SPOCK3: variants seen among roughly 807,000 people sequenced by gnomAD.
SPOCK3 encodes the protein SPARC (osteonectin), cwcv and kazal like domains proteoglycan 3.
Under a neutral mutation model 56.6 loss-of-function variants are expected in SPOCK3, and 30 were observed. That is an observed-to-expected ratio of 0.53 (90% CI 0.40 to 0.72). The LOEUF (loss-of-function observed/expected upper bound fraction) is 0.72. Among genes scored for constraint, SPOCK3 ranks in the 30% least tolerant of loss-of-function variants. The pLI, the probability that SPOCK3 is intolerant of heterozygous loss-of-function variation, is 0.00. For synonymous variants in SPOCK3, 196 were observed against 183.3 expected (o/e 1.07, Z -0.56); for missense variants, 527 against 530.0 (o/e 0.99, Z 0.06).
chr4:167,021,589 C>T (rs1424607191), intron 3 of SPOCK3, among the ~76,000 whole-genome samples: 2 of 151,938 alleles, frequency 1.3e-5, no homozygotes, highest in Non-Finnish European at 1.5e-5. Flanking sequence ...ACATCCCTAC[C>T]CCTCTCTCCG....
intron 4 of SPOCK3, among the ~76,000 whole-genome samples, chr4:166,982,950 T>G (rs1746748825): frequency 6.6e-6 from 1 of 152,192 alleles, no homozygotes; most frequent in Non-Finnish European, 1.5e-5. Context: ...CCCTAAGTTC[T>G]TTCCTGAGGT....
intron 4 of SPOCK3, among the ~76,000 whole-genome samples, chr4:166,952,216 A>T (rs1232750531): frequency 6.6e-6 from 1 of 152,198 alleles, no homozygotes; most frequent in Non-Finnish European, 1.5e-5. Context: ...CCTTAAGCTG[A>T]TAAGCAACTT....
chr4:166,950,490 A>C (rs1284005045), intron 4 of SPOCK3, among the ~76,000 whole-genome samples: 1 of 151,808 alleles, frequency 6.6e-6, no homozygotes, highest in East Asian at 1.9e-4. Context: ...ATAATGGGAG[A>C]CTTTAACACC....
At chr4:166,927,683 T>C (rs948091168) in intron 4 of SPOCK3, among the ~76,000 whole-genome samples, 2 of 152,144 alleles carry the variant, frequency 1.3e-5, no homozygotes, top group Admixed American at 6.5e-5. Context: ...TTTTTTTAGA[T>C]ACAACGCAAG....
upstream of SPOCK3, chr4:167,234,585 C>G: frequency 4.6e-6 from 1 of 216,222 alleles, no homozygotes; most frequent in South Asian, 1.4e-4. Context: ...CCGGCGCGCT[C>G]CCCCCATCTC....
chr4:167,077,444 G>C (rs939272685), intron 2 of SPOCK3, among the ~76,000 whole-genome samples: 1 of 151,792 alleles, frequency 6.6e-6, no homozygotes, highest in Non-Finnish European at 1.5e-5. Context: ...TTGCATCTTA[G>C]CTCAAACTAC....
intron 3 of SPOCK3, among the ~76,000 whole-genome samples, chr4:167,033,401 T>C (rs1265962339): frequency 2.0e-5 from 3 of 149,346 alleles, no homozygotes; most frequent in Admixed American, 1.3e-4. Flanking sequence ...TCATTATTAT[T>C]ATTATTATTA....
chr4:166,808,197 T>C (rs1743380677), intron 6 of SPOCK3, among the ~76,000 whole-genome samples: 1 of 152,084 alleles, frequency 6.6e-6, no homozygotes, highest in Admixed American at 6.6e-5. Flanking sequence ...GTTTGTGTGA[T>C]TGTTTGTTTG....
intron 2 of SPOCK3, among the ~76,000 whole-genome samples, chr4:167,077,188 G>A (rs911380172): frequency 6.6e-6 from 1 of 151,666 alleles, no homozygotes; most frequent in Non-Finnish European, 1.5e-5. Context: ...TTTATTTTAT[G>A]ATTTGAAAAT....
chr4:166,824,714 A>G (rs1745282941), intron 6 of SPOCK3, among the ~76,000 whole-genome samples: 1 of 152,118 alleles, frequency 6.6e-6, no homozygotes, highest in South Asian at 2.1e-4. Flanking sequence ...AGATACAAGA[A>G]TAGAAAAATA....
In SPOCK3 at chr4:166,748,626, A is replaced by G. The variant is rs951679614; in HGVS notation, c.931+5882T>C. ...AAAAGCAATGGCAACAAAAGCCAAAATAGACAAATGGGATCTAATTAAACT... is the reference window on the plus strand; with the variant it reads ...AAAAGCAATGGCAACAAAAGCCAAAGTAGACAAATGGGATCTAATTAAACT... On this transcript the variant is annotated intron_variant, in intron 8 of 10. Coordinates refer to ENST00000357545, the MANE Select transcript of SPOCK3 (RefSeq NM_001040159.2). Among the ~76,000 whole-genome samples the G allele has an allele frequency of 5.1e-5, 7 of 137,316 alleles. 1 individual carries two copies. The highest frequency in any genetic ancestry group is 1.1e-4 in the Non-Finnish European group (7 of 64,760). The allele number at this position is 137,316 out of a possible 152,430, so 90.1% of individuals were successfully genotyped here. A position where few individuals can be genotyped will look rare whatever the true frequency, so the allele number is the denominator to read the frequency against.
intron 6 of SPOCK3, among the ~76,000 whole-genome samples, chr4:166,835,173 C>A (rs906676041): frequency 3.9e-5 from 6 of 152,038 alleles, no homozygotes; most frequent in African/African-American, 1.4e-4. Context: ...GGTTTCTGAA[C>A]TAATTGGCTA....
At chr4:166,856,914 T>C (rs1050998026) in intron 6 of SPOCK3, among the ~76,000 whole-genome samples, 1 of 152,106 alleles carries the variant, frequency 6.6e-6, no homozygotes, top group African/African-American at 2.4e-5. Flanking sequence ...ATTGACTGAA[T>C]TGAAATCATA....
At chr4:166,924,173 TC>T (rs1400207892) in intron 4 of SPOCK3, among the ~76,000 whole-genome samples, 3 of 152,286 alleles carry the variant, frequency 2.0e-5, no homozygotes, top group African/African-American at 4.8e-5. Flanking sequence ...TGTCTTTTTT[TC>T]CTCAATGTTA....
intron 4 of SPOCK3, among the ~76,000 whole-genome samples, chr4:166,934,028 G>C (rs1740089426): frequency 6.6e-6 from 1 of 152,214 alleles, no homozygotes; most frequent in Non-Finnish European, 1.5e-5. Flanking sequence ...AGGCAGATTT[G>C]TTAGATTACA....
intron 7 of SPOCK3, among the ~76,000 whole-genome samples, chr4:166,769,455 C>T (rs1001814428): frequency 5.3e-5 from 8 of 152,182 alleles, no homozygotes; most frequent in African/African-American, 1.9e-4. Context: ...AGGTCCACTC[C>T]AGACCCTGTT....
At chr4:167,196,462 T>G (rs1038996151) in intron 2 of SPOCK3, among the ~76,000 whole-genome samples, 3 of 152,178 alleles carry the variant, frequency 2.0e-5, no homozygotes, top group African/African-American at 4.8e-5. Context: ...AAATCAGGGT[T>G]TCAAATGGCT....
intron 2 of SPOCK3, among the ~76,000 whole-genome samples, chr4:167,160,897 G>C (rs1437267927): frequency 6.6e-6 from 1 of 152,068 alleles, no homozygotes; most frequent in African/African-American, 2.4e-5. Flanking sequence ...ATTCGAGATG[G>C]ATTGATTAAA....
intron 3 of SPOCK3, among the ~76,000 whole-genome samples, chr4:167,038,349 A>C (rs1752944979): frequency 6.6e-6 from 1 of 152,232 alleles, no homozygotes; most frequent in Non-Finnish European, 1.5e-5. Context: ...CACTTCAGAC[A>C]TGGCATACTT....
Sources: allele counts gnomAD v4.1 joint callset (sites outside exome capture counted in the v4.1 genomes callset), GRCh38; gene constraint gnomAD v4.1.1; transcripts MANE v1.5; gene names NCBI Gene and HGNC (gene_info 2026-07-23, HGNC 2026-07-21).